GMCL1: variants seen among roughly 807,000 people sequenced by gnomAD.
GMCL1 encodes the protein germ cell-less 1, spermatogenesis associated, also known as germ cell-less protein-like 1.
In GMCL1, 54 loss-of-function variants were observed where a neutral mutation model predicts 75.5. That is an observed-to-expected ratio of 0.71 (90% CI 0.57 to 0.90). The LOEUF is 0.90. Ranked by LOEUF, GMCL1 falls within the 40% of genes least tolerant of loss-of-function variation. The pLI is 0.00. For missense variants in GMCL1, 537 were observed against 622.7 expected (o/e 0.86, Z 1.47); for synonymous variants, 210 against 209.6 (o/e 1.00, Z -0.02).
At position 69,830,064 on chromosome 2, in the gene GMCL1, TC is replaced by T. The variant is rs1166780803; in HGVS notation, c.174del (p.Phe59SerfsTer32). 1.3e-6 allele frequency: 2 copies of T among 1,570,448 alleles called. No individual in the cohort carries two copies. Among genetic ancestry groups the T allele is most frequent in the Middle Eastern group, 3.3e-4 (2 of 6,014 alleles). ...GSHKRKRSSG[S>X]FCYCHPDSET... Reference sequence around the variant, plus strand: ...CCACAAGCGCAAGCGGAGCAGCGGGTCCTTCTGCTACTGTCACCCTGACTCG... The same window carrying T: ...CCACAAGCGCAAGCGGAGCAGCGGGTCTTCTGCTACTGTCACCCTGACTCG... On this transcript the variant is annotated frameshift_variant, in exon 1 of 14. Transcript: ENST00000282570. LOFTEE classifies it high-confidence loss of function.
At chr2:69,854,366 A>G (rs528231903) in intron 8 of GMCL1, among the ~76,000 whole-genome samples, 4 of 152,298 alleles carry the variant, frequency 2.6e-5, no homozygotes, top group South Asian at 2.1e-4. Flanking sequence ...TATATTAACT[A>G]GTGTTCATTA....
At chr2:69,840,411 A>G (rs1389054658) in intron 3 of GMCL1, among the ~76,000 whole-genome samples, 1 of 147,812 alleles carries the variant, frequency 6.8e-6, no homozygotes, top group Non-Finnish European at 1.5e-5. Context: ...CTCCATCTCA[A>G]AAAAAAAAAA....
intron 6 of GMCL1, among the ~76,000 whole-genome samples, chr2:69,846,060 G>A (rs1675130801): frequency 6.6e-6 from 1 of 151,010 alleles, no homozygotes; most frequent in South Asian, 2.1e-4. Flanking sequence ...GAACTCTCAA[G>A]ATACAATTTA....
chr2:69,857,996 A>G (rs1039038632), intron 9 of GMCL1, among the ~76,000 whole-genome samples: 3 of 152,164 alleles, frequency 2.0e-5, no homozygotes, highest in African/African-American at 7.2e-5. Context: ...CCTTTCCCAT[A>G]TTCTTTGTGT....
At chr2:69,843,382 G>C in intron 5 of GMCL1, 121 bp downstream of exon 5, 2 of 555,474 alleles carry the variant, frequency 3.6e-6, no homozygotes, top group South Asian at 4.9e-5. Context: ...ATAGGGGGAT[G>C]GAATTTTATT....
In GMCL1 at chr2:69,829,727, G is replaced by C. The variant is rs1674612480; in HGVS notation, c.-166G>C. 1.3e-6 allele frequency: 1 copy of C among 743,924 alleles called. No individual in the cohort carries two copies. 46.1% of individuals were successfully genotyped at this position (743,924 alleles called of 1,614,324 possible). ...AGCGCGGCGCGACCGGACGCTGCGG[G>C]CGGGGAAGAGGATGGAGACTGTGGC... On this transcript the variant is annotated 5_prime_UTR_variant, in exon 1 of 14. Transcript: ENST00000282570.
intron 2 of GMCL1, among the ~76,000 whole-genome samples, chr2:69,838,907 A>C (rs542407198): frequency 6.6e-6 from 1 of 152,198 alleles, no homozygotes; most frequent in Non-Finnish European, 1.5e-5. Context: ...ACTCAGTAAC[A>C]TTTTTAAATA....
intron 10 of GMCL1, among the ~76,000 whole-genome samples, chr2:69,864,665 CTAATAAA>C (rs1174423871): frequency 6.8e-6 from 1 of 146,392 alleles, no homozygotes; most frequent in Non-Finnish European, 1.5e-5. Context: ...TGGCTGAGCC[CTAATAAA>C]AGTAGTCCAG....
chr2:69,859,656 C>A (rs899387281), intron 9 of GMCL1, among the ~76,000 whole-genome samples: 10 of 147,978 alleles, frequency 6.8e-5, no homozygotes, highest in Admixed American at 4.9e-4. Context: ...ACTGCTTGAG[C>A]CCAGGAGTTC....
chr2:69,858,834 A>C (rs1398202124), intron 9 of GMCL1, among the ~76,000 whole-genome samples: 1 of 152,190 alleles, frequency 6.6e-6, no homozygotes, highest in Non-Finnish European at 1.5e-5. Flanking sequence ...GTTATGCAAA[A>C]ATTGTTGGAA....
intron 4 of GMCL1, chr2:69,842,610 C>T (rs1675016152): frequency 6.6e-6 from 1 of 152,146 alleles, no homozygotes; most frequent in South Asian, 2.1e-4. Context: ...AAAGTTAGTT[C>T]ACTTAAAACC....
intron 10 of GMCL1, among the ~76,000 whole-genome samples, chr2:69,862,028 C>A (rs528379095): frequency 1.3e-5 from 2 of 151,080 alleles, no homozygotes; most frequent in South Asian, 2.1e-4. Flanking sequence ...AACAAACAAA[C>A]AAAAAAACAC....
chr2:69,834,142 T>C (rs1674751623), intron 1 of GMCL1, among the ~76,000 whole-genome samples: 1 of 152,216 alleles, frequency 6.6e-6, no homozygotes, highest in Non-Finnish European at 1.5e-5. Flanking sequence ...TCCTAGAGTT[T>C]ATAATGGCCT....
intron 11 of GMCL1, among the ~76,000 whole-genome samples, chr2:69,868,942 C>T (rs1345860713): frequency 6.6e-6 from 1 of 150,420 alleles, no homozygotes; most frequent in African/African-American, 2.4e-5. Flanking sequence ...AGTGAAACCC[C>T]GTCTCTACTC....
At chr2:69,830,763 CTT>C (rs201320282) in intron 1 of GMCL1, among the ~76,000 whole-genome samples, 110 of 137,984 alleles carry the variant, frequency 8.0e-4, no homozygotes, top group African/African-American at 1.0e-3. Flanking sequence ...TGTTTAACCC[CTT>C]TTTTTTTTTT....
intron 8 of GMCL1, among the ~76,000 whole-genome samples, chr2:69,851,548 T>G (rs982410527): frequency 2.6e-5 from 4 of 151,666 alleles, no homozygotes; most frequent in Non-Finnish European, 5.9e-5. Flanking sequence ...AGGCGGAAGT[T>G]GCAGGGGGCC....
intron 2 of GMCL1, 74 bp downstream of exon 2, chr2:69,837,744 C>T: frequency 6.7e-7 from 1 of 1,491,150 alleles, no homozygotes; most frequent in African/African-American, 1.4e-5. Context: ...CATTGCACTT[C>T]ACAGTAATCT....
In GMCL1 at chr2:69,843,220, C is replaced by T; in HGVS notation, c.651C>T (p.Tyr217=). 6.2e-7 allele frequency: 1 copy of T among 1,609,326 alleles called. No homozygotes were observed. The highest frequency in any genetic ancestry group is 2.2e-5 in the East Asian group (1 of 44,786). The part of the protein sequence containing the change: ...TVNVKTVCGY[Y]TSAGTYGLDS... ...ATGTGAAAACTGTATGTGGCTATTA[C>T]ACATCAGCAGGGACCTATGGATTAG... Residue 217 remains tyrosine, a synonymous_variant, in exon 5 of 14, where the codon TAC becomes TAT. Transcript: ENST00000282570.
intron 3 of GMCL1, chr2:69,840,311 G>C (rs1674946270): frequency 6.6e-6 from 1 of 152,088 alleles, no homozygotes; most frequent in African/African-American, 2.4e-5. Context: ...TTGGGAGGCT[G>C]AGGCAGGAGA....
Sources: allele counts gnomAD v4.1 joint callset (sites outside exome capture counted in the v4.1 genomes callset), GRCh38; gene constraint gnomAD v4.1.1; transcripts MANE v1.5; gene names NCBI Gene and HGNC (gene_info 2026-07-23, HGNC 2026-07-21).